The following FER1L6 variants were observed in gnomAD, a reference collection of about 807,000 sequenced individuals.
FER1L6 encodes fer-1 like family member 6, also known as fer-1-like protein 6.
FER1L6 carries 177 observed loss-of-function variants against 219.2 expected under a neutral mutation model. The ratio of observed to expected loss-of-function variants is 0.81; its 90% confidence interval spans 0.71 to 0.91. FER1L6 has a LOEUF of 0.91. FER1L6 is among the 40% of genes least tolerant of loss of function. The pLI, the probability that FER1L6 is intolerant of heterozygous loss-of-function variation, is 0.00. For missense variants in FER1L6, 2,153 were observed against 2,259.9 expected, an observed-to-expected ratio of 0.95 and a Z score of 0.96; for synonymous variants, 768 against 824.3, an observed-to-expected ratio of 0.93 and a Z score of 1.17.
At chr8:123,958,942 G>A (rs890349214) in intron 2 of FER1L6, among the ~76,000 whole-genome samples, 17 of 151,970 alleles carry the variant, frequency 1.1e-4, no homozygotes, top group East Asian at 7.9e-4. Flanking sequence ...TGGATAGAGC[G>A]CATAAAGTGG....
At chr8:123,970,000 G>A in intron 5 of FER1L6, 35 bp from the exon 6 acceptor site, 4 of 1,586,814 alleles carry the variant, frequency 2.5e-6, no homozygotes, top group Non-Finnish European at 3.5e-6. Flanking sequence ...TGCAAGTCTG[G>A]GGTTGATGAC....
intron 13 of FER1L6, among the ~76,000 whole-genome samples, chr8:124,005,215 C>T (rs1184448974): frequency 1.3e-5 from 2 of 152,196 alleles, no homozygotes; most frequent in South Asian, 2.1e-4. Flanking sequence ...TCAAGACCTT[C>T]GCTAAACTAT....
intron 1 of FER1L6, among the ~76,000 whole-genome samples, chr8:123,917,846 A>C (rs1813233213): frequency 6.6e-6 from 1 of 152,216 alleles, no homozygotes; most frequent in South Asian, 2.1e-4. Flanking sequence ...AAGTTTTATT[A>C]CTGGGAAAAT....
chr8:123,990,230 T>C (rs1364872952), intron 12 of FER1L6, among the ~76,000 whole-genome samples: 1 of 152,186 alleles, frequency 6.6e-6, no homozygotes, highest in African/African-American at 2.4e-5. Flanking sequence ...ATAGCACCAC[T>C]GCACTCCAGC....
intron 39 of FER1L6, among the ~76,000 whole-genome samples, chr8:124,113,356 T>C (rs1419796879): frequency 2.6e-5 from 4 of 152,194 alleles, no homozygotes; most frequent in Non-Finnish European, 5.9e-5. Context: ...TGTATGTATA[T>C]ATGCCTATTT....
At position 124,101,173 on chromosome 8, in the gene FER1L6, A is replaced by C. The variant is rs1435824764; in HGVS notation, c.4960A>C (p.Asn1654His). The C allele has an allele frequency of 6.2e-7, 1 of 1,613,926 alleles. No individual in the cohort carries two copies. Residue 1654 changes from asparagine (N) to histidine (H), a missense_variant, in exon 38 of 41, where the codon AAC (asparagine) becomes CAC (histidine). Physicochemically the swap from Asn to His is moderately conservative, Grantham distance 68 (BLOSUM62 1). Coordinates refer to ENST00000522917, the MANE Select transcript of FER1L6 (RefSeq NM_001039112.2). Reference protein sequence around the residue: ...YNSLTGEGNFNWRFLFPFQYL... With the variant: ...YNSLTGEGNFHWRFLFPFQYL... Reference sequence around the variant, plus strand: ...CTCCCTGACTGGAGAGGGCAACTTCAACTGGCGCTTCCTGTTTCCCTTTCA... The same window carrying C: ...CTCCCTGACTGGAGAGGGCAACTTCCACTGGCGCTTCCTGTTTCCCTTTCA...
rs749526757 is a variant in FER1L6 at position 123,975,931 on chromosome 8, G to A, written c.717G>A (p.Glu239=). ...NLLIPNGFPL[E]RPWARFYVRL... The stretch of plus-strand genomic sequence containing the variant: ...TGATCCCCAATGGGTTTCCACTGGA[G>A]AGACCGTGGGCCAGATTCTATGTGA... The change falls in exon 9 of 41, where the codon GAG becomes GAA. Residue 239 remains glutamate, a synonymous_variant. Coordinates refer to ENST00000522917, the MANE Select transcript of FER1L6 (RefSeq NM_001039112.2). 1.8e-5 allele frequency: 29 copies of A among 1,612,908 alleles called. No individual in the cohort carries two copies. Among genetic ancestry groups the A allele is most frequent in the Non-Finnish European group, 2.2e-5 (26 of 1,179,534 alleles).
At chr8:123,904,384 C>T (rs182729291) in intron 1 of FER1L6, among the ~76,000 whole-genome samples, 1 of 151,962 alleles carries the variant, frequency 6.6e-6, no homozygotes, top group East Asian at 1.9e-4. Context: ...CAAATAATCA[C>T]ACTGCACACC....
At chr8:124,116,338 C>T (rs969626526) in intron 39 of FER1L6, among the ~76,000 whole-genome samples, 3 of 149,118 alleles carry the variant, frequency 2.0e-5, no homozygotes, top group Non-Finnish European at 3.0e-5. Flanking sequence ...TTATAAAGTG[C>T]GATAGCCAAA....
intron 1 of FER1L6, among the ~76,000 whole-genome samples, chr8:123,893,746 T>C (rs774780555): frequency 3.3e-5 from 5 of 152,188 alleles, no homozygotes; most frequent in Admixed American, 6.5e-5. Context: ...AGAACCTACA[T>C]GGACAATGAT....
chr8:124,029,688 C>T (rs945778441), intron 18 of FER1L6, among the ~76,000 whole-genome samples: 1 of 152,066 alleles, frequency 6.6e-6, no homozygotes, highest in Non-Finnish European at 1.5e-5. Context: ...GGGTAGAATG[C>T]AAAAATTTTA....
chr8:124,045,377 C>T (rs1819680766), intron 20 of FER1L6, among the ~76,000 whole-genome samples: 2 of 152,150 alleles, frequency 1.3e-5, no homozygotes, highest in Non-Finnish European at 2.9e-5. Context: ...ACTGAACCTA[C>T]CTCCCAGAAT....
chr8:124,079,734 G>A (rs1821454219), intron 32 of FER1L6, among the ~76,000 whole-genome samples: 1 of 152,206 alleles, frequency 6.6e-6, no homozygotes, highest in East Asian at 1.9e-4. Context: ...AAAATTGCCT[G>A]TATGATGAAT....
chr8:123,856,268 GTATATGTGTA>G (rs1470467966), intron 1 of FER1L6, among the ~76,000 whole-genome samples: 1 of 116,026 alleles, frequency 8.6e-6, no homozygotes, highest in East Asian at 2.2e-4. Flanking sequence ...GTATATATGT[GTATATGTGTA>G]TATATGTGTG....
chr8:124,110,518 G>A (rs1232472524), intron 39 of FER1L6, among the ~76,000 whole-genome samples: 2 of 152,188 alleles, frequency 1.3e-5, no homozygotes, highest in Non-Finnish European at 2.9e-5. Flanking sequence ...GAAGTCTGAG[G>A]TGATATTTCT....
At chr8:123,869,496 A>G (rs1428001058) in intron 1 of FER1L6, among the ~76,000 whole-genome samples, 1 of 152,182 alleles carries the variant, frequency 6.6e-6, no homozygotes, top group East Asian at 1.9e-4. Flanking sequence ...ATCTGACTGG[A>G]TGAGTGGTGC....
chr8:123,882,783 G>T (rs565311873), intron 1 of FER1L6, among the ~76,000 whole-genome samples: 7 of 152,224 alleles, frequency 4.6e-5, no homozygotes, highest in African/African-American at 1.7e-4. Context: ...AATCAACTCC[G>T]CATGATACTA....
chr8:124,090,210 G>T (rs1821969998), intron 33 of FER1L6, among the ~76,000 whole-genome samples: 1 of 152,176 alleles, frequency 6.6e-6, no homozygotes, highest in Non-Finnish European at 1.5e-5. Flanking sequence ...ATTTCATACA[G>T]TCTCTCTTTC....
At chr8:124,064,595 ATATT>A in intron 26 of FER1L6, 22 bp downstream of exon 26, 1 of 1,604,330 alleles carries the variant, frequency 6.2e-7, no homozygotes, top group Non-Finnish European at 8.5e-7. Context: ...ATCCCTCTCT[ATATT>A]TACAAGGCTC....
Sources: gnomAD v4.1 joint callset for allele counts (sites outside exome capture counted in the v4.1 genomes callset) on GRCh38, gnomAD v4.1.1 for gene constraint, MANE v1.5 for transcripts, NCBI Gene and HGNC (gene_info 2026-07-23, HGNC 2026-07-21) for gene names.